The following BRD4 variants were observed in gnomAD, a reference collection of about 807,000 sequenced individuals.
BRD4 encodes bromodomain-containing protein 4.
A neutral mutation model predicts 142.1 loss-of-function variants in BRD4; 16 were observed. The observed-to-expected ratio is 0.11, with a 90% CI of 0.08 to 0.17. The LOEUF (loss-of-function observed/expected upper bound fraction) is 0.17, where lower values mean the gene tolerates loss of function less well. Among genes scored for constraint, BRD4 ranks in the 10% least tolerant of loss-of-function variants. The pLI, the probability that BRD4 is intolerant of heterozygous loss-of-function variation, is 1.00. For missense variants in BRD4, 1,424 were observed against 1,810.9 expected, an observed-to-expected ratio of 0.79 and a Z score of 3.88; for synonymous variants, 833 against 707.5, an observed-to-expected ratio of 1.18 and a Z score of -2.82.
chr19:15,269,321 A>G lies in BRD4; in HGVS notation c.286-279T>C, dbSNP rs2047564119. ...ATAGGCTGCCTTCATTGAAATGCAC[A>G]TTTTTTCTTTTTATGGATACTAAAA... On this transcript the variant is annotated intron_variant, in intron 2 of 19. Transcript: ENST00000679869. Among the ~76,000 whole-genome samples the G allele has an allele frequency of 2.0e-5, 3 of 152,144 alleles. No individual in the cohort carries two copies. The South Asian group carries it at 6.2e-4, about 31-fold the overall frequency.
rs141658540 is a variant in BRD4 at position 15,315,908 on chromosome 19, C to A, written c.-35+16382G>T. Among the ~76,000 whole-genome samples the A allele has an allele frequency of 3.3e-3, 503 of 151,798 alleles. 3 individuals are homozygous for A. Among genetic ancestry groups the A allele is most frequent in the African/African-American group, 0.012 (483 of 41,388 alleles). On this transcript the variant is annotated intron_variant, in intron 1 of 19. Transcript: ENST00000679869. Reference sequence around the variant, plus strand: ...CCATGGCTCATGCCTGTAATCCTAGCACTTTGGGAGGCCGAGGCGGGCGGA... The same window carrying A: ...CCATGGCTCATGCCTGTAATCCTAGAACTTTGGGAGGCCGAGGCGGGCGGA...
In BRD4 at chr19:15,243,099, A is replaced by ATGC. The variant is rs1568377691; in HGVS notation, c.2967_2969dup (p.Gln989dup). The ATGC allele has an allele frequency of 7.5e-7, 1 of 1,338,772 alleles. No homozygotes were observed. The highest frequency in any genetic ancestry group is 9.9e-7 in the Non-Finnish European group (1 of 1,008,314). 82.9% of individuals were successfully genotyped at this position (1,338,772 alleles called of 1,614,324 possible). ...AGTGCACGGGCCGTGGAGGGGGCTG[A>ATGC]TGCTGCTGCTGGGGTGGAGGCTGGG... On this transcript the variant is annotated inframe_insertion, in exon 14 of 20. Coordinates refer to ENST00000679869, the MANE Select transcript of BRD4 (RefSeq NM_001379291.1).
chr19:15,308,033 G>C (rs962744708), intron 1 of BRD4, among the ~76,000 whole-genome samples: 1 of 146,172 alleles, frequency 6.8e-6, no homozygotes, highest in African/African-American at 2.5e-5. Context: ...AGAACTGCTT[G>C]AACCCGGGAA....
At position 15,243,109 on chromosome 19, in the gene BRD4, T is replaced by G. The variant is rs866969097; in HGVS notation, c.2960A>C (p.Gln987Pro). ...CCGTGGAGGGGGCTGATGCTGCTGC[T>G]GGGGTGGAGGCTGGGGCTGGGGTGG... ...PPPPQPQPPP[Q>P]QQHQPPPRPV... Residue 987 changes from glutamine (Q) to proline (P), a missense_variant, in exon 14 of 20, where the codon CAG becomes CCG. By Grantham distance (76) the Gln-to-Pro change is moderately conservative. This residue lies in a region of BRD4 where 598 missense variants were observed against 647.8 expected (regional missense o/e 0.92). Coordinates refer to ENST00000679869, the MANE Select transcript of BRD4 (RefSeq NM_001379291.1). The G allele has an allele frequency of 1.6e-6, 1 of 644,054 alleles. No individual in the cohort carries two copies. The highest frequency in any genetic ancestry group is 2.1e-6 in the Non-Finnish European group (1 of 471,968). 39.9% of individuals were successfully genotyped at this position (644,054 alleles called of 1,614,324 possible).
chr19:15,262,067 C>A (rs1298523856), intron 7 of BRD4, among the ~76,000 whole-genome samples: 1 of 152,132 alleles, frequency 6.6e-6, no homozygotes, highest in Non-Finnish European at 1.5e-5. Context: ...AGCCCCTGAT[C>A]CACAGAGAAT....
chr19:15,250,039 C>T (rs1488565659), intron 11 of BRD4, among the ~76,000 whole-genome samples: 2 of 152,118 alleles, frequency 1.3e-5, no homozygotes, highest in Non-Finnish European at 2.9e-5. Flanking sequence ...GGGCTTGTTC[C>T]CACCCACGTA....
At chr19:15,269,439 T>C (rs757140355) in intron 2 of BRD4, among the ~76,000 whole-genome samples, 9 of 152,208 alleles carry the variant, frequency 5.9e-5, no homozygotes, top group Non-Finnish European at 1.0e-4. Context: ...AGGTCCTACT[T>C]GTCCCATTTG....
chr19:15,301,805 A>G (rs753676227), intron 1 of BRD4, among the ~76,000 whole-genome samples: 6 of 150,590 alleles, frequency 4.0e-5, no homozygotes, highest in Non-Finnish European at 8.9e-5. Context: ...AGGTTGCAGT[A>G]AGCCGAAGAC....
In BRD4 at chr19:15,244,292, G is replaced by A; in HGVS notation, c.2520C>T (p.Pro840=). Residue 840 remains proline (P), a synonymous_variant, in exon 13 of 20, where the codon CCC becomes CCT. Transcript: ENST00000679869. ...LPQPELPPHL[P]QPPEHSTPPH... is the part of the protein sequence containing the mutation. ...GTGGAGTGCTGTGCTCAGGCGGCTG[G>A]GGCAGGTGAGGGGGCAGCTCAGGCT... 6.3e-7 allele frequency: 1 copy of A among 1,594,832 alleles called. No homozygotes were observed.
intron 7 of BRD4, among the ~76,000 whole-genome samples, chr19:15,262,984 C>T (rs959416153): frequency 2.6e-5 from 4 of 152,156 alleles, no homozygotes; most frequent in Non-Finnish European, 5.9e-5. Flanking sequence ...AGAATTGTGG[C>T]CATGTGGAAA....
intron 1 of BRD4, among the ~76,000 whole-genome samples, chr19:15,322,035 C>A (rs568001145): frequency 6.6e-6 from 1 of 152,250 alleles, no homozygotes; most frequent in East Asian, 1.9e-4. Flanking sequence ...CACACACACA[C>A]AAATCAAGGT....
Position 15,235,989 on chromosome 19 carries a change from G to A in BRD4, c.*2388C>T, listed in dbSNP as rs1013343689. 1 of 152,198 alleles carries A rather than the reference G, an allele frequency of 6.6e-6. No homozygotes were observed. Among genetic ancestry groups the A allele is most frequent in the African/African-American group, 2.4e-5 (1 of 41,454 alleles). The allele number at this position is 152,198 out of a possible 1,614,324, so 9.4% of individuals were successfully genotyped here. ...GGGATGAGATGGAAGAAACCCCAAA[G>A]AACCTAAATACGTCACACTTGAAGT... On this transcript the variant is annotated 3_prime_UTR_variant, in exon 20 of 20. Transcript: ENST00000679869.
intron 1 of BRD4, among the ~76,000 whole-genome samples, chr19:15,279,381 G>T (rs540115320): frequency 1.3e-5 from 2 of 152,168 alleles, no homozygotes; most frequent in African/African-American, 4.8e-5. Flanking sequence ...CAGAAAGTTT[G>T]AACACTTTCT....
chr19:15,294,182 A>G (rs978264658), intron 1 of BRD4, among the ~76,000 whole-genome samples: 1 of 152,274 alleles, frequency 6.6e-6, no homozygotes, highest in African/African-American at 2.4e-5. Flanking sequence ...TCATACTCTG[A>G]AACTAAACAT....
chr19:15,242,414 C>T (rs1250780538), intron 14 of BRD4, among the ~76,000 whole-genome samples: 1 of 152,194 alleles, frequency 6.6e-6, no homozygotes, highest in African/African-American at 2.4e-5. Context: ...AGGCTGGTAA[C>T]AGGCGATGAG....
intron 1 of BRD4, 114 bp from the exon 2 acceptor site, chr19:15,273,247 A>G: frequency 8.7e-7 from 1 of 1,143,094 alleles, no homozygotes; most frequent in East Asian, 2.4e-5. Flanking sequence ...GGCGGTAGCT[A>G]GCCAAGTTGG....
chr19:15,294,538 T>G (rs2047808301), intron 1 of BRD4, among the ~76,000 whole-genome samples: 1 of 152,260 alleles, frequency 6.6e-6, no homozygotes, highest in African/African-American at 2.4e-5. Context: ...CTAAAAGAAC[T>G]GGCCCAGAAA....
intron 1 of BRD4, among the ~76,000 whole-genome samples, chr19:15,274,677 G>A (rs183920370): frequency 6.6e-6 from 1 of 152,288 alleles, no homozygotes; most frequent in Admixed American, 6.5e-5. Flanking sequence ...AAATCTCTAA[G>A]CAATGCCCTT....
At position 15,239,531 on chromosome 19, in the gene BRD4, T is replaced by C; in HGVS notation, c.3446-9A>G. 1 of 1,607,884 alleles carries C rather than the reference T, an allele frequency of 6.2e-7. No individual in the cohort carries two copies. The highest frequency in any genetic ancestry group is 8.5e-7 in the Non-Finnish European group (1 of 1,177,686). On this transcript the variant is annotated splice_polypyrimidine_tract_variant and intron_variant, in intron 16 of 19. Transcript: ENST00000679869. The surrounding 1 kb of genome is among the most constrained non-coding windows in gnomAD (Gnocchi z 7.4). ...AGGCTTCATTTCCGGCCCTGGAACATAAACAGCCGGTGGGCCCTGGCCCAC... is the reference window on the plus strand; with the variant it reads ...AGGCTTCATTTCCGGCCCTGGAACACAAACAGCCGGTGGGCCCTGGCCCAC...
Sources: gnomAD v4.1 joint callset for allele counts (sites outside exome capture counted in the v4.1 genomes callset) on GRCh38, gnomAD v4.1.1 for gene constraint, gnomAD v4.1.1 regional missense constraint, Gnocchi (gnomAD v3.1) non-coding constraint, MANE v1.5 for transcripts, NCBI Gene and HGNC (gene_info 2026-07-23, HGNC 2026-07-21) for gene names.